The following P2RX3 variants were observed in gnomAD, a reference collection of about 807,000 sequenced individuals.
P2RX3 encodes purinergic receptor P2X 3, also known as P2X purinoceptor 3.
In P2RX3, 41 loss-of-function variants were observed where a neutral mutation model predicts 51.5. That is an observed-to-expected ratio of 0.80 (90% CI 0.62 to 1.03). P2RX3 has a LOEUF of 1.03. P2RX3 is among the 50% of genes least tolerant of loss of function. The pLI is 0.00. For missense variants in P2RX3, 459 were observed against 522.1 expected (o/e 0.88, Z 1.18); for synonymous variants, 185 against 191.6 (o/e 0.97, Z 0.29).
intron 5 of P2RX3, 32 bp downstream of exon 5, chr11:57,348,295 GC>G (rs1429879361): frequency 1.5e-5 from 24 of 1,554,740 alleles, no homozygotes; most frequent in South Asian, 2.4e-5. Context: ...GAGGAGACAG[GC>G]CCCCACCTCA....
In P2RX3 at chr11:57,369,341, C is replaced by T; in HGVS notation, c.1003-20C>T. ...AACCCAGGGCACCCCTCGGAGCCCGCCCTGCCTCTCCTCCTCCAGGGAACT... is the reference window on the plus strand; with the variant it reads ...AACCCAGGGCACCCCTCGGAGCCCGTCCTGCCTCTCCTCCTCCAGGGAACT... On this transcript the variant is annotated intron_variant, in intron 10 of 11. Coordinates refer to ENST00000263314, the MANE Select transcript of P2RX3 (RefSeq NM_002559.5). 2 of 1,608,028 alleles carry T rather than the reference C, an allele frequency of 1.2e-6. No homozygotes were observed. The highest frequency in any genetic ancestry group is 1.1e-5 in the South Asian group (1 of 89,964).
chr11:57,345,405 T>C (rs1315091579), intron 1 of P2RX3, among the ~76,000 whole-genome samples: 1 of 152,028 alleles, frequency 6.6e-6, no homozygotes, highest in African/African-American at 2.4e-5. Context: ...ATGTAACAGA[T>C]GTATTTGTTT....
chr11:57,354,740 T>C (rs1856601566), intron 8 of P2RX3, among the ~76,000 whole-genome samples: 1 of 152,108 alleles, frequency 6.6e-6, no homozygotes, highest in South Asian at 2.1e-4. Flanking sequence ...TCAGTGTGTG[T>C]GTGTGTGCGT....
Position 57,361,943 on chromosome 11 carries a change from A to T in P2RX3, c.843-6066A>T, listed in dbSNP as rs866302675. Among the ~76,000 whole-genome samples the T allele has an allele frequency of 4.6e-5, 7 of 152,168 alleles. No individual in the cohort carries two copies. The South Asian group carries it at 1.0e-3, about 23-fold the overall frequency. On this transcript the variant is annotated intron_variant, in intron 8 of 11. Coordinates refer to ENST00000263314, the MANE Select transcript of P2RX3 (RefSeq NM_002559.5). The stretch of plus-strand genomic sequence containing the variant: ...CTCCTCTCCTTCCCAACCCTTCCTT[A>T]TGTCCGATTTTAGCTACTTATGGGC...
At chr11:57,369,286 C>G (rs1856844268) in intron 10 of P2RX3, 75 bp from the exon 11 acceptor site, 1 of 1,319,344 alleles carries the variant, frequency 7.6e-7, no homozygotes, top group African/African-American at 1.5e-5. Flanking sequence ...CTGCCCGAGC[C>G]CAGCACTTCC....
intron 1 of P2RX3, among the ~76,000 whole-genome samples, chr11:57,341,935 T>C (rs1453772787): frequency 6.6e-6 from 1 of 152,076 alleles, no homozygotes; most frequent in East Asian, 1.9e-4. Context: ...TTCAGCCTCA[T>C]TTCAGATCTT....
intron 8 of P2RX3, among the ~76,000 whole-genome samples, chr11:57,357,781 C>T (rs1856653444): frequency 6.6e-6 from 1 of 152,098 alleles, no homozygotes; most frequent in Admixed American, 6.5e-5. Flanking sequence ...AAGGATGTTG[C>T]CCCACCCTGA....
rs1214787024 is a variant in P2RX3 at position 57,355,656 on chromosome 11, T to C, written c.842+4758T>C. Among the ~76,000 whole-genome samples the C allele has an allele frequency of 4.6e-5, 7 of 152,350 alleles. No individual in the cohort carries two copies. The South Asian group carries it at 1.4e-3, about 32-fold the overall frequency. On this transcript the variant is annotated intron_variant, in intron 8 of 11. Transcript: ENST00000263314. ...ACGCCTAGCCAGGTTATTTCATTTC[T>C]ACAAATAAGATACAAATACATTCTC...
intron 11 of P2RX3, 150 bp from the exon 12 acceptor site, chr11:57,369,734 T>A (rs958337721): frequency 1.8e-5 from 12 of 668,668 alleles, no homozygotes; most frequent in Non-Finnish European, 3.0e-5. Context: ...GCCCTCGGGG[T>A]ACATGGGAGG....
chr11:57,361,147 C>T (rs1234141495), intron 8 of P2RX3, among the ~76,000 whole-genome samples: 1 of 152,236 alleles, frequency 6.6e-6, no homozygotes. Flanking sequence ...AGCCCACCAA[C>T]CCTCTTCCAG....
intron 7 of P2RX3, chr11:57,350,232 C>T (rs1856519379): frequency 3.4e-6 from 1 of 295,432 alleles, no homozygotes; most frequent in East Asian, 6.6e-5. Context: ...TGTGTTGTAG[C>T]TAAAGCACTG....
intron 6 of P2RX3, 102 bp from the exon 7 acceptor site, chr11:57,349,655 C>G (rs1483294590): frequency 9.7e-6 from 14 of 1,447,336 alleles, no homozygotes; most frequent in Non-Finnish European, 1.3e-5. Context: ...AGGCTGAGGG[C>G]TCAGATCCCC....
At chr11:57,340,432 AC>A (rs1343595453) in intron 1 of P2RX3, 1 of 152,330 alleles carries the variant, frequency 6.6e-6, no homozygotes, top group African/African-American at 2.4e-5. Flanking sequence ...ACAGCTCCCC[AC>A]GGGACACTGC....
At chr11:57,342,148 CTTTTTTTTTTTTTTT>C (rs67011422) in intron 1 of P2RX3, among the ~76,000 whole-genome samples, 2 of 48,362 alleles carry the variant, frequency 4.1e-5, no homozygotes, top group African/African-American at 9.1e-5. Context: ...GCTGCCCCAT[CTTTTTTTTTTTTTTT>C]TTTTTTTTTT....
intron 3 of P2RX3, 46 bp from the exon 4 acceptor site, chr11:57,347,369 G>A: frequency 6.5e-7 from 1 of 1,549,572 alleles, no homozygotes; most frequent in South Asian, 1.2e-5. Context: ...GAGCTCACCA[G>A]GCCAGGACAG....
intron 5 of P2RX3, 48 bp from the exon 6 acceptor site, chr11:57,348,579 T>C (rs769439451): frequency 3.3e-6 from 5 of 1,512,850 alleles, no homozygotes; most frequent in African/African-American, 1.4e-5. Context: ...AGCCTTCATT[T>C]CCCCCTCTTC....
chr11:57,366,609 T>C (rs1416426043), intron 8 of P2RX3, among the ~76,000 whole-genome samples: 1 of 152,178 alleles, frequency 6.6e-6, no homozygotes, highest in African/African-American at 2.4e-5. Flanking sequence ...TCTATAATTG[T>C]CCGCTTTCCG....
chr11:57,340,749 GAA>G (rs1253830317), intron 1 of P2RX3: 2 of 152,322 alleles, frequency 1.3e-5, no homozygotes, highest in Non-Finnish European at 1.5e-5. Context: ...CCGCTTCTGT[GAA>G]GGTGTTTGGC....
intron 6 of P2RX3, 108 bp downstream of exon 6, chr11:57,348,812 G>T: frequency 1.3e-6 from 1 of 774,546 alleles, no homozygotes; most frequent in African/African-American, 1.7e-5. Context: ...TCCCACTTTC[G>T]CTCCACTGAC....
Sources: gnomAD v4.1 joint callset for allele counts (sites outside exome capture counted in the v4.1 genomes callset) on GRCh38, gnomAD v4.1.1 for gene constraint, MANE v1.5 for transcripts, NCBI Gene and HGNC (gene_info 2026-07-23, HGNC 2026-07-21) for gene names.